NPHS2: variants seen among roughly 807,000 people sequenced by gnomAD.
The protein encoded by NPHS2 is NPHS2 stomatin family member, podocin, also known as podocin.
A neutral mutation model predicts 37.1 loss-of-function variants in NPHS2; 36 were observed. That is an observed-to-expected ratio of 0.97 (90% CI 0.74 to 1.28). NPHS2 has a LOEUF of 1.28. Among genes scored for constraint, NPHS2 ranks in the 50% most tolerant of loss-of-function variants. NPHS2 has a pLI of 0.00. For synonymous variants in NPHS2, 196 were observed against 189.3 expected (o/e 1.04, Z -0.29); for missense variants, 447 against 488.1 (o/e 0.92, Z 0.79).
chr1:179,554,724 T>C (rs553318613), intron 5 of NPHS2, 193 bp from the exon 6 acceptor site: 28 of 701,664 alleles, frequency 4.0e-5, no homozygotes, highest in Non-Finnish European at 6.0e-5. Context: ...AATAAATATC[T>C]GTGCAATTGA....
intron 4 of NPHS2, among the ~76,000 whole-genome samples, chr1:179,557,663 A>G (rs972678228): frequency 6.6e-6 from 1 of 152,180 alleles, no homozygotes; most frequent in Non-Finnish European, 1.5e-5. Flanking sequence ...TTCCCTTTTT[A>G]TATTGATCAT....
At chr1:179,551,896 C>T (rs139490335) in intron 7 of NPHS2, 266 of 197,358 alleles carry the variant, frequency 1.3e-3, no homozygotes, top group African/African-American at 5.6e-3. Context: ...GGACTTCACT[C>T]AGAGATCTAG....
chr1:179,568,402 C>T (rs1237260348), intron 1 of NPHS2, among the ~76,000 whole-genome samples: 3 of 152,066 alleles, frequency 2.0e-5, no homozygotes, highest in African/African-American at 7.2e-5. Context: ...TGGTGATATC[C>T]TCTTTATCAT....
chr1:179,551,560 G>T, intron 7 of NPHS2, 109 bp from the exon 8 acceptor site: 2 of 1,228,972 alleles, frequency 1.6e-6, no homozygotes, highest in Non-Finnish European at 2.4e-6. Context: ...TATGTGGCAA[G>T]CACGGTTAAG....
chr1:179,574,834 A>T (rs1423422029), intron 1 of NPHS2, among the ~76,000 whole-genome samples: 1 of 152,170 alleles, frequency 6.6e-6, no homozygotes, highest in Non-Finnish European at 1.5e-5. Flanking sequence ...TTTTCCCAAG[A>T]GTTGTTTCTC....
intron 1 of NPHS2, among the ~76,000 whole-genome samples, chr1:179,565,033 G>T (rs1307460228): frequency 6.6e-6 from 1 of 152,138 alleles, no homozygotes; most frequent in Non-Finnish European, 1.5e-5. Flanking sequence ...CACTCTGGGA[G>T]GCTGAGGTGA....
intron 1 of NPHS2, among the ~76,000 whole-genome samples, chr1:179,566,979 A>T (rs572562816): frequency 6.7e-6 from 1 of 148,750 alleles, no homozygotes; most frequent in East Asian, 2.1e-4. Context: ...CTTGTAGTAT[A>T]GTTTGAAGTC....
At chr1:179,574,433 A>C (rs1003460168) in intron 1 of NPHS2, among the ~76,000 whole-genome samples, 6 of 152,218 alleles carry the variant, frequency 3.9e-5, no homozygotes, top group Non-Finnish European at 8.8e-5. Flanking sequence ...TAGGGGTTTC[A>C]TAAATGGTGG....
chr1:179,574,854 C>G (rs1029150962), intron 1 of NPHS2, among the ~76,000 whole-genome samples: 1 of 152,198 alleles, frequency 6.6e-6, no homozygotes, highest in Non-Finnish European at 1.5e-5. Context: ...CCTGCAGAAG[C>G]AAAAGAGACA....
At chr1:179,554,159 C>A (rs1673730808) in intron 6 of NPHS2, among the ~76,000 whole-genome samples, 1 of 152,086 alleles carries the variant, frequency 6.6e-6, no homozygotes, top group Admixed American at 6.6e-5. Context: ...AGCGATCCAC[C>A]CACCTTGGCA....
intron 1 of NPHS2, among the ~76,000 whole-genome samples, chr1:179,572,846 T>C (rs971817370): frequency 2.0e-5 from 3 of 151,890 alleles, no homozygotes; most frequent in Non-Finnish European, 4.4e-5. Context: ...CTTCTTTTTT[T>C]CTCTCTTTTG....
chr1:179,570,047 CT>C (rs1674491398), intron 1 of NPHS2, among the ~76,000 whole-genome samples: 1 of 152,184 alleles, frequency 6.6e-6, no homozygotes, highest in Non-Finnish European at 1.5e-5. Context: ...CAAGGAGTAT[CT>C]TTGTGGTGTT....
At position 179,556,030 on chromosome 1, in the gene NPHS2, T is replaced by C. The variant is rs1673909931; in HGVS notation, c.738+997A>G. Among the ~76,000 whole-genome samples the C allele has an allele frequency of 6.6e-6, 1 of 152,214 alleles. No individual in the cohort carries two copies. Among genetic ancestry groups the C allele is most frequent in the South Asian group, 2.1e-4 (1 of 4,828 alleles). On this transcript the variant is annotated intron_variant, in intron 5 of 7. Coordinates refer to ENST00000367615, the MANE Select transcript of NPHS2 (RefSeq NM_014625.4). This position sits in a 1 kb window ranked among gnomAD's most constrained non-coding sequence, Gnocchi z 4.1. ...CATGCATTTTTGACTTACGATATTTTTTGCTTTATGATGGTTTATAAGTCA... is the reference window on the plus strand; with the variant it reads ...CATGCATTTTTGACTTACGATATTTCTTGCTTTATGATGGTTTATAAGTCA...
intron 2 of NPHS2, among the ~76,000 whole-genome samples, chr1:179,562,736 G>GA (rs1674191636): frequency 6.6e-6 from 1 of 152,164 alleles, no homozygotes; most frequent in South Asian, 2.1e-4. Flanking sequence ...CAATCAGAAT[G>GA]AATGACTGTA....
At chr1:179,569,094 C>G (rs1042667167) in intron 1 of NPHS2, among the ~76,000 whole-genome samples, 3 of 152,120 alleles carry the variant, frequency 2.0e-5, no homozygotes, top group African/African-American at 7.2e-5. Context: ...GAGTTCTGGT[C>G]CTGGATATCC....
chr1:179,559,811 G>A, intron 3 of NPHS2, 50 bp from the exon 4 acceptor site: 1 of 1,284,200 alleles, frequency 7.8e-7, no homozygotes, highest in Non-Finnish European at 1.1e-6. Flanking sequence ...CATGAAGGCT[G>A]TTTGGGTTTC....
chr1:179,571,586 C>G (rs1674561028), intron 1 of NPHS2, among the ~76,000 whole-genome samples: 1 of 152,214 alleles, frequency 6.6e-6, no homozygotes, highest in Non-Finnish European at 1.5e-5. Context: ...GCTGGGAGAA[C>G]CACTGCTCTC....
chr1:179,555,842 A>G (rs1457090278), intron 5 of NPHS2, among the ~76,000 whole-genome samples: 2 of 152,146 alleles, frequency 1.3e-5, no homozygotes, highest in Admixed American at 6.5e-5. Flanking sequence ...AACATTATCT[A>G]CCTGCTGTGT....
chr1:179,575,597 C>T lies in NPHS2; in HGVS notation c.268G>A (p.Glu90Lys), dbSNP rs1441982526. Residue 90 changes from glutamate to lysine, a missense_variant, in exon 1 of 8, where the codon GAG becomes AAG. Coordinates refer to ENST00000367615, the MANE Select transcript of NPHS2 (RefSeq NM_014625.4). Reference protein sequence around the residue: ...VVALLESERPEEGTKSSGLGA... With the variant: ...VVALLESERPKEGTKSSGLGA... ...AGTGGTGCTGAATCCGTACCTTCCT[C>T]GGGCCGCTCGCTCTCCAACAGCGCC... 6 of 1,601,680 alleles carry T rather than the reference C, an allele frequency of 3.7e-6. No homozygotes were observed. Among genetic ancestry groups the T allele is most frequent in the Admixed American group, 1.7e-5 (1 of 60,022 alleles).
Sources: allele counts gnomAD v4.1 joint callset (sites outside exome capture counted in the v4.1 genomes callset), GRCh38; gene constraint gnomAD v4.1.1; non-coding constraint Gnocchi (gnomAD v3.1); transcripts MANE v1.5; gene names NCBI Gene and HGNC (gene_info 2026-07-23, HGNC 2026-07-21).